The following GUCD1 variants were observed in gnomAD, a reference collection of about 807,000 sequenced individuals.
GUCD1 encodes protein GUCD1.
A neutral mutation model predicts 28.3 loss-of-function variants in GUCD1; 17 were observed. The ratio of observed to expected loss-of-function variants is 0.60; its 90% CI spans 0.41 to 0.90. The LOEUF (loss-of-function observed/expected upper bound fraction) is 0.90, where lower values mean the gene tolerates loss of function less well. Among genes scored for constraint, GUCD1 ranks in the 40% least tolerant of loss-of-function variants. The probability of loss-of-function intolerance (pLI) is 0.00; values close to 1 mark genes in which losing one functional copy is unlikely to be tolerated. For missense variants in GUCD1, 279 were observed against 305.5 expected (o/e 0.91, Z 0.65); for synonymous variants, 129 against 123.3 (o/e 1.05, Z -0.30).
Position 24,555,006 on chromosome 22 carries a change from G to A in GUCD1, c.-15C>T. 1.3e-6 allele frequency: 2 copies of A among 1,505,312 alleles called. No individual in the cohort carries two copies. The highest frequency in any genetic ancestry group is 1.8e-6 in the Non-Finnish European group (2 of 1,132,818). 93.2% of individuals were successfully genotyped at this position (1,505,312 alleles called of 1,614,324 possible). The stretch of plus-strand genomic sequence containing the variant: ...TCCGTCCTCATGACCCGGGCGGCGC[G>A]GGGCGCCCATGGCCCCGGCCCAGAG... On this transcript the variant is annotated 5_prime_UTR_variant, in exon 1 of 6. Transcript: ENST00000435822.
intron 2 of GUCD1, among the ~76,000 whole-genome samples, chr22:24,548,563 T>C (rs2044788890): frequency 6.6e-6 from 1 of 152,192 alleles, no homozygotes; most frequent in Non-Finnish European, 1.5e-5. Context: ...GTTTCTGTGA[T>C]ATTCACACAG....
At chr22:24,546,713 G>C (rs569200051) in intron 4 of GUCD1, among the ~76,000 whole-genome samples, 2 of 152,362 alleles carry the variant, frequency 1.3e-5, no homozygotes, top group East Asian at 3.9e-4. Flanking sequence ...CCTGGTCAGA[G>C]CCTGGGTCAT....
At chr22:24,545,634 G>A (rs2044705976) in intron 4 of GUCD1, among the ~76,000 whole-genome samples, 1 of 151,384 alleles carries the variant, frequency 6.6e-6, no homozygotes, top group South Asian at 2.1e-4. Context: ...GACAGAGTCT[G>A]TCTCTGTTGC....
chr22:24,555,522 G>A (rs1011613547), upstream of GUCD1: 3 of 1,408,838 alleles, frequency 2.1e-6, no homozygotes, highest in Non-Finnish European at 2.9e-6. Flanking sequence ...TCCTCCAACT[G>A]TCTTTAGGGA....
intron 1 of GUCD1, among the ~76,000 whole-genome samples, chr22:24,552,894 G>A (rs1361056541): frequency 1.3e-5 from 2 of 152,168 alleles, no homozygotes; most frequent in African/African-American, 4.8e-5. Context: ...TGAACTCCCA[G>A]GCTCAAGGGA....
upstream of GUCD1, chr22:24,555,264 C>A: frequency 7.4e-7 from 1 of 1,354,632 alleles, no homozygotes; most frequent in Non-Finnish European, 9.4e-7. Context: ...TCTGCTCCGG[C>A]CATTCGCCGC....
rs1223270852 is a variant in GUCD1 at position 24,555,066 on chromosome 22, G to T, written c.-75C>A. 1.5e-6 allele frequency: 2 copies of T among 1,351,626 alleles called. No homozygotes were observed. Among genetic ancestry groups the T allele is most frequent in the Non-Finnish European group, 1.9e-6 (2 of 1,048,128 alleles). 83.7% of individuals were successfully genotyped at this position (1,351,626 alleles called of 1,614,324 possible). ...GCTTCCGCTTCGGCTGGGGCGGGAG[G>T]GCGGTCGGTGCGTGTCGAGTTCCTT... On this transcript the variant is annotated 5_prime_UTR_variant, in exon 1 of 6. Transcript: ENST00000435822.
rs191902945 is a variant in GUCD1 at position 24,545,961 on chromosome 22, G to A, written c.386+953C>T. 5.6e-4 allele frequency among the ~76,000 whole-genome samples: 84 copies of A among 149,846 alleles called. 1 individual carries two copies. Among genetic ancestry groups the A allele is most frequent in the African/African-American group, 2.0e-3 (80 of 40,744 alleles). ...TCCCACATCCTGGATTTGCCTTTCT[G>A]TTTCCTTGAGGGCAGATTCAGACAG... On this transcript the variant is annotated intron_variant, in intron 4 of 5. Coordinates refer to ENST00000435822, the MANE Select transcript of GUCD1 (RefSeq NM_001284254.2).
At chr22:24,551,234 T>A (rs958558719) in intron 1 of GUCD1, among the ~76,000 whole-genome samples, 1 of 152,128 alleles carries the variant, frequency 6.6e-6, no homozygotes. Context: ...TGAGGCCTCA[T>A]TCTCTTCCTT....
intron 2 of GUCD1, 69 bp downstream of exon 2, chr22:24,548,848 G>T: frequency 8.3e-7 from 1 of 1,209,880 alleles, no homozygotes. Context: ...TCCCACCCAG[G>T]TCTCTCCCAA....
chr22:24,550,801 C>T (rs2044852070), intron 1 of GUCD1, among the ~76,000 whole-genome samples: 1 of 91,568 alleles, frequency 1.1e-5, no homozygotes, highest in Non-Finnish European at 2.1e-5. Context: ...GGCTCAGAGG[C>T]CATTTCCAGG....
intron 1 of GUCD1, among the ~76,000 whole-genome samples, chr22:24,553,756 C>G (rs962378665): frequency 1.3e-5 from 2 of 152,266 alleles, no homozygotes; most frequent in African/African-American, 4.8e-5. Context: ...GCCTCCTCCT[C>G]TTGCCCTGCG....
At chr22:24,553,832 C>T (rs1209964229) in intron 1 of GUCD1, among the ~76,000 whole-genome samples, 2 of 152,252 alleles carry the variant, frequency 1.3e-5, no homozygotes, top group Admixed American at 6.5e-5. Flanking sequence ...TCGGCAAGGG[C>T]GGATCGGACC....
chr22:24,542,997 C>A lies in GUCD1; in HGVS notation c.*9G>T, dbSNP rs751759544. The A allele has an allele frequency of 1.2e-6, 2 of 1,605,162 alleles. No individual in the cohort carries two copies. Among genetic ancestry groups the A allele is most frequent in the Non-Finnish European group, 1.7e-6 (2 of 1,171,978 alleles). ...GGTCCGAGGGCCTAGGCGCACCAGG[C>A]TCCTGCTGTCAGCTGTCCAAGTAGA... is the stretch of plus-strand genomic sequence containing the variant. On this transcript the variant is annotated 3_prime_UTR_variant, in exon 6 of 6. Coordinates refer to ENST00000435822, the MANE Select transcript of GUCD1 (RefSeq NM_001284254.2).
At chr22:24,555,257 G>A, upstream of GUCD1, 1 of 1,345,474 alleles carries the variant, frequency 7.4e-7, no homozygotes, top group East Asian at 2.9e-5. Context: ...ATTTAAGTCT[G>A]CTCCGGCCAT....
In GUCD1 at chr22:24,547,960, C is replaced by G; in HGVS notation, c.242G>C (p.Arg81Thr). The G allele has an allele frequency of 6.2e-7, 1 of 1,614,198 alleles. No individual in the cohort carries two copies. The highest frequency in any genetic ancestry group is 8.5e-7 in the Non-Finnish European group (1 of 1,180,026). Residue 81 changes from arginine to threonine, a missense_variant, in exon 3 of 6, where the codon AGG (arginine) becomes ACG (threonine). By Grantham distance (71) the Arg-to-Thr change is moderately conservative (BLOSUM62 -1). Coordinates refer to ENST00000435822, the MANE Select transcript of GUCD1 (RefSeq NM_001284254.2). The part of the protein sequence containing the change: ...LAYLMHHFGV[R>T]HRFCTQTLGV... Reference sequence around the variant, plus strand: ...CAGGGTCTGGGTACAGAAGCGGTGCCTCACGCCAAAGTGGTGCATCAGGTA... The same window carrying G: ...CAGGGTCTGGGTACAGAAGCGGTGCGTCACGCCAAAGTGGTGCATCAGGTA...
intron 4 of GUCD1, among the ~76,000 whole-genome samples, chr22:24,546,674 A>G (rs1332760547): frequency 6.6e-6 from 1 of 152,096 alleles, no homozygotes; most frequent in Non-Finnish European, 1.5e-5. Flanking sequence ...TCACTCACCT[A>G]TCCCTCCAGC....
intron 4 of GUCD1, among the ~76,000 whole-genome samples, chr22:24,545,443 G>GTC (rs2044701066): frequency 6.6e-6 from 1 of 151,990 alleles, no homozygotes; most frequent in Non-Finnish European, 1.5e-5. Context: ...GACCTTGGGT[G>GTC]TCTCTCTCCT....
At chr22:24,546,848 C>T in intron 4 of GUCD1, 66 bp downstream of exon 4, 2 of 1,393,184 alleles carry the variant, frequency 1.4e-6, no homozygotes, top group South Asian at 2.3e-5. Flanking sequence ...CCGAGGCCTC[C>T]CCACTGCAGA....
Sources: allele counts gnomAD v4.1 joint callset (sites outside exome capture counted in the v4.1 genomes callset), GRCh38; gene constraint gnomAD v4.1.1; transcripts MANE v1.5; gene names NCBI Gene and HGNC (gene_info 2026-07-23, HGNC 2026-07-21).